The following NRXN3 variants were observed in gnomAD, a reference collection of about 807,000 sequenced individuals.
NRXN3 encodes neurexin III.
In NRXN3, 32 loss-of-function variants were observed where a neutral mutation model predicts 137.6. That is an observed-to-expected ratio of 0.23 (90% CI 0.18 to 0.31). The LOEUF is 0.31. NRXN3 is among the 10% of genes least tolerant of loss of function. NRXN3 has a pLI of 1.00. For synonymous variants in NRXN3, 798 were observed against 784.5 expected (o/e 1.02, Z -0.29); for missense variants, 1,574 against 2,062.5 (o/e 0.76, Z 4.59).
chr14:78,579,070 G>T (rs1035740864), intron 4 of NRXN3, among the ~76,000 whole-genome samples: 2 of 152,158 alleles, frequency 1.3e-5, no homozygotes, highest in Non-Finnish European at 2.9e-5. Flanking sequence ...GGTATTCTGT[G>T]CCTGGCTGGA....
At chr14:79,802,036 C>T (rs2099183396) in intron 19 of NRXN3, among the ~76,000 whole-genome samples, 1 of 147,392 alleles carries the variant, frequency 6.8e-6, no homozygotes, top group African/African-American at 2.6e-5. Flanking sequence ...GAGTCTACTC[C>T]TTTTTCTGAA....
At chr14:78,212,952 G>A (rs984713004) in intron 1 of NRXN3, among the ~76,000 whole-genome samples, 1 of 152,164 alleles carries the variant, frequency 6.6e-6, no homozygotes, top group Non-Finnish European at 1.5e-5. Context: ...GGTCTCCAGG[G>A]CCTGCCAACT....
chr14:79,783,290 C>T (rs2099119514), intron 19 of NRXN3, among the ~76,000 whole-genome samples: 1 of 152,184 alleles, frequency 6.6e-6, no homozygotes, highest in South Asian at 2.1e-4. Flanking sequence ...TTTCAGCTAA[C>T]TGATCATTAA....
intron 4 of NRXN3, among the ~76,000 whole-genome samples, chr14:78,517,225 G>A (rs977442158): frequency 1.3e-5 from 2 of 152,078 alleles, no homozygotes; most frequent in Non-Finnish European, 2.9e-5. Flanking sequence ...TTGGAGTATG[G>A]CCAATAACTT....
intron 15 of NRXN3, among the ~76,000 whole-genome samples, chr14:79,047,290 A>T (rs1195514300): frequency 6.6e-6 from 1 of 152,158 alleles, no homozygotes; most frequent in East Asian, 1.9e-4. Context: ...ACAAAAATTA[A>T]TTGGGATGTA....
intron 16 of NRXN3, among the ~76,000 whole-genome samples, chr14:79,506,238 G>A (rs2096877082): frequency 6.6e-6 from 1 of 152,132 alleles, no homozygotes; most frequent in African/African-American, 2.4e-5. Context: ...CTACCAAGAA[G>A]CAGGATCACT....
At chr14:78,298,770 C>T (rs972105757) in intron 4 of NRXN3, among the ~76,000 whole-genome samples, 2 of 152,150 alleles carry the variant, frequency 1.3e-5, no homozygotes, top group African/African-American at 4.8e-5. Flanking sequence ...TTGACTATGT[C>T]GTGTTGAAAT....
intron 4 of NRXN3, among the ~76,000 whole-genome samples, chr14:78,589,687 T>C (rs995500625): frequency 1.3e-5 from 2 of 152,178 alleles, no homozygotes; most frequent in African/African-American, 4.8e-5. Flanking sequence ...AAAGTTCTTA[T>C]AAATCCTGGT....
At chr14:79,034,814 T>C (rs973451304) in intron 15 of NRXN3, among the ~76,000 whole-genome samples, 2 of 152,106 alleles carry the variant, frequency 1.3e-5, no homozygotes. Flanking sequence ...TGGGATTATA[T>C]AAAATTGAGT....
rs551591537 is a variant in NRXN3, at chr14:78,307,331, A to AT, written c.757+9477dup. Among the ~76,000 whole-genome samples the AT allele has an allele frequency of 5.0e-4, 76 of 151,890 alleles. 1 individual carries two copies. In the South Asian group the frequency reaches 0.015, roughly 29 times the overall value. Reference sequence around the variant, plus strand: ...CTTCTTTTTCTTTATTGGTTGATTTATTTTTTAAAAAATTACCGTTTATTT... The same window carrying AT: ...CTTCTTTTTCTTTATTGGTTGATTTATTTTTTTAAAAAATTACCGTTTATTT... On this transcript the variant is annotated intron_variant, in intron 4 of 20. Coordinates refer to ENST00000335750, the MANE Select transcript of NRXN3 (RefSeq NM_001330195.2).
chr14:79,318,153 A>T (rs2089260610), intron 15 of NRXN3, among the ~76,000 whole-genome samples: 1 of 152,248 alleles, frequency 6.6e-6, no homozygotes, highest in Admixed American at 6.5e-5. Context: ...ATAGTGTTTT[A>T]TGCCACAGAG....
chr14:79,796,118 AG>A (rs1568281171), intron 19 of NRXN3, among the ~76,000 whole-genome samples: 1 of 152,198 alleles, frequency 6.6e-6, no homozygotes, highest in Admixed American at 6.5e-5. Flanking sequence ...AGCACCAATA[AG>A]AAAGAAGAGC....
intron 8 of NRXN3, among the ~76,000 whole-genome samples, chr14:78,728,973 G>A (rs942369004): frequency 1.5e-4 from 23 of 152,166 alleles, no homozygotes; most frequent in African/African-American, 5.5e-4. Flanking sequence ...ATGTGATCTT[G>A]GATGTGTTTT....
intron 1 of NRXN3, among the ~76,000 whole-genome samples, chr14:78,189,800 G>T (rs1273279772): frequency 6.6e-6 from 1 of 152,134 alleles, no homozygotes; most frequent in African/African-American, 2.4e-5. Flanking sequence ...TGGTGAGGCT[G>T]GTCTCAAACT....
intron 10 of NRXN3, among the ~76,000 whole-genome samples, chr14:78,825,151 T>G (rs1282264627): frequency 6.9e-6 from 1 of 145,220 alleles, no homozygotes; most frequent in Non-Finnish European, 1.5e-5. Flanking sequence ...GAGCCGAGAT[T>G]GCAACACTGC....
intron 4 of NRXN3, among the ~76,000 whole-genome samples, chr14:78,589,235 G>A (rs767440673): frequency 7.2e-5 from 11 of 152,142 alleles, no homozygotes; most frequent in Non-Finnish European, 1.3e-4. Flanking sequence ...AAGAAGCTCT[G>A]CAAAAGCCTA....
chr14:79,233,336 T>TA (rs1461089391), intron 15 of NRXN3, among the ~76,000 whole-genome samples: 59 of 152,246 alleles, frequency 3.9e-4, no homozygotes, highest in African/African-American at 1.3e-3. Context: ...TATGAAAAGT[T>TA]AAATGGGGCT....
At chr14:79,744,950 C>A (rs1445357487) in intron 19 of NRXN3, among the ~76,000 whole-genome samples, 1 of 147,048 alleles carries the variant, frequency 6.8e-6, no homozygotes, top group African/African-American at 2.5e-5. Flanking sequence ...CTTGCTAGGG[C>A]AAGGTCAGAA....
At chr14:78,855,080 C>T (rs1263897667) in intron 10 of NRXN3, among the ~76,000 whole-genome samples, 2 of 151,718 alleles carry the variant, frequency 1.3e-5, no homozygotes, top group Non-Finnish European at 2.9e-5. Context: ...AGGAGAATCA[C>T]TTGAACCTGG....
Sources: gnomAD v4.1 joint callset for allele counts (sites outside exome capture counted in the v4.1 genomes callset) on GRCh38, gnomAD v4.1.1 for gene constraint, MANE v1.5 for transcripts, NCBI Gene and HGNC (gene_info 2026-07-23, HGNC 2026-07-21) for gene names.